Variants in STIM1 observed in about 807,000 individuals in gnomAD.
STIM1 encodes stromal interaction molecule 1.
Under a neutral mutation model 74.7 loss-of-function variants are expected in STIM1, and 25 were observed. The observed-to-expected ratio is 0.33, with a 90% CI of 0.24 to 0.47. STIM1 has a LOEUF of 0.47. Among genes scored for constraint, STIM1 ranks in the 20% least tolerant of loss-of-function variants. The pLI, the probability that STIM1 is intolerant of heterozygous loss-of-function variation, is 1.00. For synonymous variants in STIM1, 328 were observed against 348.8 expected, an observed-to-expected ratio of 0.94 and a Z score of 0.66; for missense variants, 728 against 920.8, an observed-to-expected ratio of 0.79 and a Z score of 2.71.
rs866940459 is a variant in STIM1 at position 4,020,223 on chromosome 11, A to G, written c.271-3650A>G. 4.6e-5 allele frequency among the ~76,000 whole-genome samples: 7 copies of G among 152,194 alleles called. No individual in the cohort carries two copies. The Middle Eastern group carries it at 0.01, about 222-fold the overall frequency. On this transcript the variant is annotated intron_variant, in intron 2 of 12. Transcript: ENST00000526596. Reference sequence around the variant, plus strand: ...GCTGATGGGCCCTGAGGTTGATTCTATATCTTGGCTATTGTGAATAGTGCT... The same window carrying G: ...GCTGATGGGCCCTGAGGTTGATTCTGTATCTTGGCTATTGTGAATAGTGCT...
chr11:3,860,239 T>C (rs76946680), intron 1 of STIM1, among the ~76,000 whole-genome samples: 1 of 152,340 alleles, frequency 6.6e-6, no homozygotes, highest in African/African-American at 2.4e-5. Context: ...ATGATAATAA[T>C]AGCAACTAAC....
intron 2 of STIM1, chr11:3,989,572 C>T: frequency 2.0e-6 from 1 of 511,422 alleles, no homozygotes; most frequent in South Asian, 1.7e-5. Flanking sequence ...GCCCGAGCTG[C>T]TGAGATCCCC....
At chr11:3,960,927 T>A (rs909067164) in intron 1 of STIM1, among the ~76,000 whole-genome samples, 1 of 152,138 alleles carries the variant, frequency 6.6e-6, no homozygotes, top group African/African-American at 2.4e-5. Flanking sequence ...ATGTAAGAGA[T>A]TTGTTATTGT....
intron 1 of STIM1, among the ~76,000 whole-genome samples, chr11:3,952,116 G>A (rs533354395): frequency 7.2e-5 from 11 of 152,198 alleles, no homozygotes; most frequent in Admixed American, 2.6e-4. Flanking sequence ...CTATTGTTGG[G>A]AAGGTAAGAC....
At chr11:4,022,408 C>T (rs1424215793) in intron 2 of STIM1, among the ~76,000 whole-genome samples, 2 of 150,732 alleles carry the variant, frequency 1.3e-5, no homozygotes, top group Non-Finnish European at 3.0e-5. Context: ...TCCTTCTTTC[C>T]AATTTTGATG....
At chr11:4,000,079 G>T (rs202073206) in intron 2 of STIM1, among the ~76,000 whole-genome samples, 3 of 152,034 alleles carry the variant, frequency 2.0e-5, no homozygotes, top group Admixed American at 6.6e-5. Flanking sequence ...CAAAGCAGCC[G>T]GGAAGCTTGA....
intron 2 of STIM1, among the ~76,000 whole-genome samples, chr11:3,988,233 A>G (rs2093575760): frequency 1.3e-5 from 2 of 152,098 alleles, no homozygotes; most frequent in African/African-American, 4.8e-5. Context: ...TGTCAGGGAG[A>G]GAGATTTCCT....
intron 2 of STIM1, among the ~76,000 whole-genome samples, chr11:3,980,680 C>CAAA (rs1230147060): frequency 2.7e-5 from 4 of 149,112 alleles, no homozygotes; most frequent in Admixed American, 6.7e-5. Flanking sequence ...ACAACAACAA[C>CAAA]AAAAAAAAAC....
intron 1 of STIM1, among the ~76,000 whole-genome samples, chr11:3,915,558 T>C (rs866003708): frequency 2.0e-5 from 3 of 151,958 alleles, no homozygotes; most frequent in Middle Eastern, 3.4e-3. Flanking sequence ...CCAACACGCC[T>C]GGCTAATTTT....
intron 1 of STIM1, among the ~76,000 whole-genome samples, chr11:3,880,943 G>A (rs1395421306): frequency 6.6e-6 from 1 of 152,118 alleles, no homozygotes; most frequent in Non-Finnish European, 1.5e-5. Context: ...TCTGACCAGT[G>A]GAGCATAACT....
chr11:3,962,726 C>T (rs1590604651), intron 1 of STIM1, among the ~76,000 whole-genome samples: 1 of 152,122 alleles, frequency 6.6e-6, no homozygotes, highest in South Asian at 2.1e-4. Flanking sequence ...CTTTTCTCTG[C>T]ATCCTCACCA....
intron 11 of STIM1, among the ~76,000 whole-genome samples, chr11:4,085,705 T>C (rs1337797730): frequency 1.3e-5 from 2 of 152,288 alleles, no homozygotes; most frequent in Non-Finnish European, 2.9e-5. Flanking sequence ...AAAGACATTA[T>C]TGTGAAGTCT....
At position 3,895,778 on chromosome 11, in the gene STIM1, TCC is replaced by T. The variant is rs1353393340; in HGVS notation, c.139+39370_139+39371del. Among the ~76,000 whole-genome samples, 11 of 90,726 alleles carry T rather than the reference TCC, an allele frequency of 1.2e-4. 3 individuals are homozygous for T. The highest frequency in any genetic ancestry group is 4.7e-4 in the African/African-American group (7 of 14,742). The allele number at this position is 90,726 out of a possible 152,430, so 59.5% of individuals were successfully genotyped here. A position where few individuals can be genotyped will look rare whatever the true frequency, so the allele number is the denominator to read the frequency against. Reference sequence around the variant, plus strand: ...TTCCTTCCTTCCTTCCTTCCTTCCTTCCTTCCTTCCTTCCTTCCTTCCTTCCT... The same window carrying T: ...TTCCTTCCTTCCTTCCTTCCTTCCTTTTCCTTCCTTCCTTCCTTCCTTCCT... On this transcript the variant is annotated intron_variant, in intron 1 of 12. Transcript: ENST00000526596.
chr11:3,932,782 C>T (rs1226894912), intron 1 of STIM1, among the ~76,000 whole-genome samples: 2 of 152,114 alleles, frequency 1.3e-5, no homozygotes, highest in East Asian at 1.9e-4. Flanking sequence ...AGCGGGCCCT[C>T]GCCAGACACT....
chr11:4,085,126 T>G (rs1278026092), intron 11 of STIM1, among the ~76,000 whole-genome samples: 1 of 151,448 alleles, frequency 6.6e-6, no homozygotes, highest in African/African-American at 2.4e-5. Flanking sequence ...AGTTTCCCCC[T>G]TCTTTCTCCC....
At chr11:3,862,547 G>C (rs2090658141) in intron 1 of STIM1, among the ~76,000 whole-genome samples, 1 of 152,172 alleles carries the variant, frequency 6.6e-6, no homozygotes, top group African/African-American at 2.4e-5. Context: ...CTCCAGAGTT[G>C]CATATGCATC....
intron 2 of STIM1, among the ~76,000 whole-genome samples, chr11:3,980,935 A>G (rs1279842737): frequency 6.6e-6 from 1 of 152,194 alleles, no homozygotes; most frequent in Non-Finnish European, 1.5e-5. Flanking sequence ...GTCAGTTGTC[A>G]ATTTTCAAAC....
intron 1 of STIM1, among the ~76,000 whole-genome samples, chr11:3,933,503 C>A (rs2135570346): frequency 6.6e-6 from 1 of 152,338 alleles, no homozygotes; most frequent in East Asian, 1.9e-4. Context: ...TTCCCTCTCT[C>A]ATCCAGCTGT....
intron 3 of STIM1, among the ~76,000 whole-genome samples, chr11:4,049,024 G>A (rs1273180634): frequency 6.6e-6 from 1 of 152,194 alleles, no homozygotes; most frequent in Non-Finnish European, 1.5e-5. Flanking sequence ...GTAAGCCACT[G>A]CACCTGGCCT....
Sources: allele counts gnomAD v4.1 joint callset (sites outside exome capture counted in the v4.1 genomes callset), GRCh38; gene constraint gnomAD v4.1.1; transcripts MANE v1.5; gene names NCBI Gene and HGNC (gene_info 2026-07-23, HGNC 2026-07-21).